CTNNA2: variants seen among roughly 807,000 people sequenced by gnomAD.
CTNNA2 encodes catenin alpha-2.
In CTNNA2, 42 loss-of-function variants were observed where a neutral mutation model predicts 101.0. The ratio of observed to expected loss-of-function variants is 0.42; its 90% CI spans 0.32 to 0.54. CTNNA2 has a LOEUF of 0.54. Among genes scored for constraint, CTNNA2 ranks in the 20% least tolerant of loss-of-function variants. The pLI, the probability that CTNNA2 is intolerant of heterozygous loss-of-function variation, is 0.14. For synonymous variants in CTNNA2, 450 were observed against 456.4 expected (o/e 0.99, Z 0.18); for missense variants, 871 against 1,223.1 (o/e 0.71, Z 4.29).
At chr2:80,336,791 A>G (rs1241961118) in intron 7 of CTNNA2, among the ~76,000 whole-genome samples, 1 of 152,220 alleles carries the variant, frequency 6.6e-6, no homozygotes, top group Non-Finnish European at 1.5e-5. Flanking sequence ...CAGGTTCCGT[A>G]AGGTGCTCTG....
At chr2:79,796,641 A>G (rs914874636) in intron 3 of CTNNA2, among the ~76,000 whole-genome samples, 4 of 152,160 alleles carry the variant, frequency 2.6e-5, no homozygotes, top group Admixed American at 2.6e-4. Flanking sequence ...CAGATGTGTG[A>G]TGGTTAGAAT....
intron 7 of CTNNA2, among the ~76,000 whole-genome samples, chr2:80,368,368 G>A (rs1399284308): frequency 6.6e-6 from 1 of 152,066 alleles, no homozygotes; most frequent in Non-Finnish European, 1.5e-5. Context: ...GTAGTAATAG[G>A]GTGCATGTAG....
At chr2:79,716,349 C>T (rs941109296) in intron 2 of CTNNA2, among the ~76,000 whole-genome samples, 3 of 152,216 alleles carry the variant, frequency 2.0e-5, no homozygotes, top group Non-Finnish European at 2.9e-5. Flanking sequence ...ACATGTGCCA[C>T]GGTGGTTTGC....
chr2:79,380,688 C>T (rs2104462815), intron 4 of CTNNA2, among the ~76,000 whole-genome samples: 1 of 152,254 alleles, frequency 6.6e-6, no homozygotes, highest in Non-Finnish European at 1.5e-5. Flanking sequence ...GATGTGGCTT[C>T]AGAGGTGGGG....
intron 1 of CTNNA2, among the ~76,000 whole-genome samples, chr2:79,186,542 C>T (rs1673781034): frequency 1.3e-5 from 2 of 152,152 alleles, no homozygotes; most frequent in South Asian, 2.1e-4. Context: ...CATTATTTTA[C>T]CATAAAGATA....
At chr2:80,071,946 G>A (rs55790240) in intron 7 of CTNNA2, among the ~76,000 whole-genome samples, 13,525 of 152,124 alleles carry the variant, frequency 0.089, 713 homozygotes, top group Middle Eastern at 0.11. Flanking sequence ...ACAAGAGGGA[G>A]GCACTAAGAC....
At chr2:79,756,648 C>T (rs983386330) in intron 3 of CTNNA2, among the ~76,000 whole-genome samples, 1 of 151,982 alleles carries the variant, frequency 6.6e-6, no homozygotes, top group African/African-American at 2.4e-5. Context: ...CCATAAACTG[C>T]AAGAAAAAAC....
At chr2:80,148,591 C>T (rs1418595583) in intron 7 of CTNNA2, among the ~76,000 whole-genome samples, 3 of 152,224 alleles carry the variant, frequency 2.0e-5, no homozygotes, top group African/African-American at 7.2e-5. Flanking sequence ...GTCCCAGCTG[C>T]AGGCCTTTAT....
chr2:79,841,439 C>T (rs1558571083), intron 3 of CTNNA2, among the ~76,000 whole-genome samples: 2 of 152,026 alleles, frequency 1.3e-5, no homozygotes, highest in South Asian at 4.2e-4. Flanking sequence ...TCAGAGGAGT[C>T]CCAAGTTCTA....
At position 80,104,637 on chromosome 2, in the gene CTNNA2, G is replaced by A. The variant is rs1211300121; in HGVS notation, c.1056+194840G>A. Among the ~76,000 whole-genome samples the A allele has an allele frequency of 2.0e-5, 3 of 152,172 alleles. No homozygotes were observed. The East Asian group carries it at 5.8e-4, about 29-fold the overall frequency. On this transcript the variant is annotated intron_variant, in intron 7 of 18. Transcript: ENST00000402739. Reference sequence around the variant, plus strand: ...ATGAATTAGCCCAGAGGCCAGGAGTGGGGAGATATGATTTGTATTAATATT... The same window carrying A: ...ATGAATTAGCCCAGAGGCCAGGAGTAGGGAGATATGATTTGTATTAATATT...
chr2:79,976,866 G>A (rs1690887052), intron 7 of CTNNA2, among the ~76,000 whole-genome samples: 1 of 152,090 alleles, frequency 6.6e-6, no homozygotes, highest in South Asian at 2.1e-4. Context: ...AAAGAAAAAG[G>A]GAAAGCCTCA....
chr2:80,592,840 A>G (rs1226587952), intron 15 of CTNNA2, among the ~76,000 whole-genome samples: 1 of 152,194 alleles, frequency 6.6e-6, no homozygotes, highest in Non-Finnish European at 1.5e-5. Flanking sequence ...GAATATACTG[A>G]GGCATAGATT....
chr2:79,756,636 A>C (rs1672419630), intron 3 of CTNNA2, among the ~76,000 whole-genome samples: 1 of 152,224 alleles, frequency 6.6e-6, no homozygotes, highest in South Asian at 2.1e-4. Context: ...AATATAAACA[A>C]GCCATAAACT....
chr2:79,283,196 C>G, intron 2 of CTNNA2, among the ~76,000 whole-genome samples: 1 of 105,284 alleles, frequency 9.5e-6, no homozygotes, highest in African/African-American at 2.8e-5. Context: ...AATTTTCTCC[C>G]ATTTTGTAGG....
At chr2:80,310,313 C>A (rs1286806200) in intron 7 of CTNNA2, among the ~76,000 whole-genome samples, 1 of 152,168 alleles carries the variant, frequency 6.6e-6, no homozygotes, top group Non-Finnish European at 1.5e-5. Context: ...CTTAGCAGGG[C>A]TCTTAAAGTT....
At chr2:80,185,870 TA>T in intron 7 of CTNNA2, among the ~76,000 whole-genome samples, 1 of 152,320 alleles carries the variant, frequency 6.6e-6, no homozygotes, top group East Asian at 1.9e-4. Flanking sequence ...ACACATGGTT[TA>T]TTTATGCCAC....
intron 3 of CTNNA2, among the ~76,000 whole-genome samples, chr2:79,362,296 T>G (rs1457775599): frequency 1.3e-5 from 2 of 152,240 alleles, no homozygotes; most frequent in East Asian, 3.9e-4. Flanking sequence ...GTTGTGTTAT[T>G]TGTTATTATT....
At chr2:80,233,001 A>T (rs531864909) in intron 7 of CTNNA2, among the ~76,000 whole-genome samples, 2 of 152,168 alleles carry the variant, frequency 1.3e-5, no homozygotes, top group Non-Finnish European at 2.9e-5. Flanking sequence ...AGATCAATTC[A>T]TCTACTTTAT....
intron 7 of CTNNA2, among the ~76,000 whole-genome samples, chr2:80,153,536 G>T (rs185942920): frequency 2.6e-5 from 4 of 152,084 alleles, no homozygotes; most frequent in Admixed American, 1.3e-4. Context: ...AATAATAACC[G>T]CCTGTTTTCT....
Sources: allele counts gnomAD v4.1 joint callset (sites outside exome capture counted in the v4.1 genomes callset), GRCh38; gene constraint gnomAD v4.1.1; transcripts MANE v1.5; gene names NCBI Gene and HGNC (gene_info 2026-07-23, HGNC 2026-07-21).